The following DLGAP1 variants were observed in gnomAD, a reference collection of about 807,000 sequenced individuals.
DLGAP1 encodes disks large-associated protein 1.
Under a neutral mutation model 90.8 loss-of-function variants are expected in DLGAP1, and 11 were observed. The ratio of observed to expected loss-of-function variants is 0.12; its 90% CI spans 0.08 to 0.20. The LOEUF is 0.20. Among genes scored for constraint, DLGAP1 ranks in the 10% least tolerant of loss-of-function variants. The pLI is 1.00. For synonymous variants in DLGAP1, 558 were observed against 540.7 expected, an observed-to-expected ratio of 1.03 and a Z score of -0.44; for missense variants, 1,050 against 1,333.8, an observed-to-expected ratio of 0.79 and a Z score of 3.31.
chr18:4,046,022 G>A (rs1299048019), intron 2 of DLGAP1, among the ~76,000 whole-genome samples: 1 of 152,064 alleles, frequency 6.6e-6, no homozygotes, highest in Non-Finnish European at 1.5e-5. Context: ...TAAGAGCCAA[G>A]TTTATCTTAC....
chr18:3,619,742 CTT>C (rs10625913), intron 7 of DLGAP1, among the ~76,000 whole-genome samples: 97 of 112,384 alleles, frequency 8.6e-4, no homozygotes, highest in Non-Finnish European at 1.4e-3. Flanking sequence ...TAGTTTTTTC[CTT>C]TTTTTTTTTT....
At chr18:4,336,054 C>G (rs1298300782) in intron 1 of DLGAP1, among the ~76,000 whole-genome samples, 1 of 152,196 alleles carries the variant, frequency 6.6e-6, no homozygotes, top group East Asian at 1.9e-4. Context: ...GCAAAATGCA[C>G]TATCAATGCC....
At chr18:4,002,706 A>G (rs1013269069) in intron 3 of DLGAP1, among the ~76,000 whole-genome samples, 9 of 152,156 alleles carry the variant, frequency 5.9e-5, no homozygotes, top group Non-Finnish European at 1.2e-4. Flanking sequence ...CAAAAATTAA[A>G]CAGAATTGTG....
At chr18:4,255,929 G>A (rs1177716414) in intron 1 of DLGAP1, among the ~76,000 whole-genome samples, 1 of 152,098 alleles carries the variant, frequency 6.6e-6, no homozygotes, top group African/African-American at 2.4e-5. Flanking sequence ...TTTAGTGAGA[G>A]AATGAAAGGT....
At chr18:3,785,237 G>A (rs1030179504) in intron 5 of DLGAP1, among the ~76,000 whole-genome samples, 33 of 152,186 alleles carry the variant, frequency 2.2e-4, no homozygotes, top group African/African-American at 7.2e-4. Flanking sequence ...CTGGAGGCTG[G>A]AAGGCTGGAA....
At chr18:3,748,744 G>A (rs1160221802) in intron 5 of DLGAP1, among the ~76,000 whole-genome samples, 2 of 152,138 alleles carry the variant, frequency 1.3e-5, no homozygotes, top group Non-Finnish European at 2.9e-5. Context: ...GCTTTGGTGT[G>A]GACAATGGTA....
chr18:4,153,121 T>C (rs1221694846), intron 1 of DLGAP1, among the ~76,000 whole-genome samples: 1 of 152,208 alleles, frequency 6.6e-6, no homozygotes, highest in African/African-American at 2.4e-5. Context: ...AGTTAGATAA[T>C]TGTTAGGTAA....
At chr18:3,535,957 T>G (rs62083991) in intron 9 of DLGAP1, among the ~76,000 whole-genome samples, 1 of 151,432 alleles carries the variant, frequency 6.6e-6, no homozygotes, top group Non-Finnish European at 1.5e-5. Context: ...ATCGCTTGAA[T>G]CCAGGAAACG....
intron 7 of DLGAP1, among the ~76,000 whole-genome samples, chr18:3,658,174 T>G (rs1454379669): frequency 6.6e-6 from 1 of 152,220 alleles, no homozygotes; most frequent in African/African-American, 2.4e-5. Context: ...GCATGTAGTA[T>G]TTCCACCATA....
intron 3 of DLGAP1, among the ~76,000 whole-genome samples, chr18:3,972,522 CTT>C (rs1599245614): frequency 6.6e-6 from 1 of 151,802 alleles, no homozygotes; most frequent in African/African-American, 2.4e-5. Context: ...CTCTCTCTCT[CTT>C]TCTTTCTTTC....
At chr18:3,542,472 C>T (rs1311614210) in intron 9 of DLGAP1, among the ~76,000 whole-genome samples, 1 of 152,168 alleles carries the variant, frequency 6.6e-6, no homozygotes, top group Non-Finnish European at 1.5e-5. Context: ...AAAGAGTTCT[C>T]GCAGCAACAC....
chr18:3,583,357 C>T (rs953341412), intron 7 of DLGAP1, among the ~76,000 whole-genome samples: 5 of 151,306 alleles, frequency 3.3e-5, no homozygotes, highest in Non-Finnish European at 7.4e-5. Flanking sequence ...TCTCTCTCTC[C>T]GTCTCCCTCT....
chr18:3,600,991 T>TATAG (rs1243016896), intron 7 of DLGAP1, among the ~76,000 whole-genome samples: 17 of 136,120 alleles, frequency 1.2e-4, no homozygotes, highest in African/African-American at 4.8e-4. Context: ...GATATAGATA[T>TATAG]ATAGATATAT....
At chr18:4,090,000 G>A (rs184998924) in intron 2 of DLGAP1, among the ~76,000 whole-genome samples, 2,522 of 152,166 alleles carry the variant, frequency 0.017, 41 homozygotes, top group Middle Eastern at 0.027. Flanking sequence ...AGCCAAGATC[G>A]CGCCGCTGCA....
chr18:3,924,575 T>C (rs1467505090), intron 3 of DLGAP1, among the ~76,000 whole-genome samples: 1 of 152,190 alleles, frequency 6.6e-6, no homozygotes, highest in Admixed American at 6.5e-5. Context: ...CTTGTTCATT[T>C]CCTCCCCTGA....
At chr18:3,713,975 A>C (rs1166773693) in intron 7 of DLGAP1, among the ~76,000 whole-genome samples, 1 of 152,182 alleles carries the variant, frequency 6.6e-6, no homozygotes, top group Non-Finnish European at 1.5e-5. Context: ...ACATATCCTC[A>C]CAGCATCGTC....
intron 7 of DLGAP1, among the ~76,000 whole-genome samples, chr18:3,723,248 C>T (rs902305934): frequency 6.6e-6 from 1 of 152,202 alleles, no homozygotes; most frequent in African/African-American, 2.4e-5. Context: ...TGCCTGATGA[C>T]AGTTAATTTA....
chr18:3,941,794 C>T (rs544929298), intron 3 of DLGAP1, among the ~76,000 whole-genome samples: 1 of 152,174 alleles, frequency 6.6e-6, no homozygotes, highest in African/African-American at 2.4e-5. Context: ...TTCACTGCAG[C>T]CTCCACCTCC....
chr18:4,445,309 T>A (rs1227312448), intron 1 of DLGAP1, among the ~76,000 whole-genome samples: 4 of 150,622 alleles, frequency 2.7e-5, no homozygotes, highest in Admixed American at 1.3e-4. Context: ...TTTTTTTTTT[T>A]ATTATACTTT....
Sources: allele counts gnomAD v4.1 joint callset (sites outside exome capture counted in the v4.1 genomes callset), GRCh38; gene constraint gnomAD v4.1.1; transcripts MANE v1.5; gene names NCBI Gene and HGNC (gene_info 2026-07-23, HGNC 2026-07-21).